The following NSMAF variants were observed in gnomAD, a reference collection of about 807,000 sequenced individuals.
NSMAF encodes the protein neutral sphingomyelinase activation associated factor.
NSMAF carries 90 observed loss-of-function variants against 134.9 expected under a neutral mutation model. That is an observed-to-expected ratio of 0.67 (90% CI 0.56 to 0.79). The LOEUF is 0.79. NSMAF is among the 30% of genes least tolerant of loss of function. NSMAF has a pLI of 0.00. For synonymous variants in NSMAF, 358 were observed against 389.6 expected, an observed-to-expected ratio of 0.92 and a Z score of 0.96; for missense variants, 1,010 against 1,119.0, an observed-to-expected ratio of 0.90 and a Z score of 1.39.
At chr8:58,650,044 A>C (rs1807548312) in intron 1 of NSMAF, among the ~76,000 whole-genome samples, 1 of 152,226 alleles carries the variant, frequency 6.6e-6, no homozygotes, top group Non-Finnish European at 1.5e-5. Context: ...CTGTGGTTCT[A>C]CACTCAAACT....
At chr8:58,629,925 G>A (rs1385404661) in intron 6 of NSMAF, among the ~76,000 whole-genome samples, 1 of 152,174 alleles carries the variant, frequency 6.6e-6, no homozygotes, top group Non-Finnish European at 1.5e-5. Context: ...AGTGGCTCCA[G>A]GCATCTAGAG....
Position 58,659,717 on chromosome 8 carries a change from G to T in NSMAF, c.-86C>A, listed in dbSNP as rs977307285. 5.3e-6 allele frequency: 6 copies of T among 1,129,488 alleles called. No homozygotes were observed. The highest frequency in any genetic ancestry group is 6.8e-6 in the Non-Finnish European group (6 of 877,576). The allele number at this position is 1,129,488 out of a possible 1,614,324, so 70.0% of individuals were successfully genotyped here. A position where few individuals can be genotyped will look rare whatever the true frequency, so the allele number is the denominator to read the frequency against. On this transcript the variant is annotated 5_prime_UTR_variant, in exon 1 of 31. Transcript: ENST00000038176. The stretch of plus-strand genomic sequence containing the variant: ...AGGTCCGGAGGAGCCGGGGAGGGCG[G>T]GATTGGTGGCCGGCTGGGGAGCGCG...
intron 1 of NSMAF, among the ~76,000 whole-genome samples, chr8:58,643,587 A>C (rs1807381548): frequency 6.6e-6 from 1 of 151,718 alleles, no homozygotes; most frequent in Non-Finnish European, 1.5e-5. Flanking sequence ...GCCTGGAGTA[A>C]AATGGCGCAG....
intron 6 of NSMAF, among the ~76,000 whole-genome samples, chr8:58,625,678 G>A (rs181056367): frequency 3.3e-5 from 5 of 152,154 alleles, no homozygotes; most frequent in South Asian, 2.1e-4. Context: ...TCCTTAAACC[G>A]AAAATGAGTC....
Position 58,639,875 on chromosome 8 carries a change from A to G in NSMAF, c.149+3109T>C, listed in dbSNP as rs542475547. 13 of 298,140 alleles carry G rather than the reference A, an allele frequency of 4.4e-5. No individual in the cohort carries two copies. The East Asian group carries it at 1.1e-3, about 25-fold the overall frequency. The allele number at this position is 298,140 out of a possible 1,614,324, so 18.5% of individuals were successfully genotyped here. A position where few individuals can be genotyped will look rare whatever the true frequency, so the allele number is the denominator to read the frequency against. The stretch of plus-strand genomic sequence containing the variant: ...GGACTTGGAGGACATTATGCTAAGT[A>G]AAATAAGCCAGCCACAGAAGGACAA... On this transcript the variant is annotated intron_variant, in intron 2 of 30. Coordinates refer to ENST00000038176, the MANE Select transcript of NSMAF (RefSeq NM_003580.4).
In NSMAF at chr8:58,626,091, C is replaced by CGT. The variant is rs1563537415; in HGVS notation, c.385-2312_385-2311insAC. On this transcript the variant is annotated intron_variant, in intron 6 of 30. Transcript: ENST00000038176. ...AGCCCCCAAAGTCCATTATATAATT[C>CGT]TTTTTTTTTTTTTTTTTTTTTGAGA... 1.4e-4 allele frequency among the ~76,000 whole-genome samples: 14 copies of CGT among 99,390 alleles called. 1 individual carries two copies. Among genetic ancestry groups the CGT allele is most frequent in the Non-Finnish European group, 1.7e-4 (9 of 52,350 alleles). 65.2% of individuals were successfully genotyped at this position (99,390 alleles called of 152,430 possible).
At chr8:58,593,995 G>A (rs1806076471) in intron 23 of NSMAF, among the ~76,000 whole-genome samples, 1 of 152,160 alleles carries the variant, frequency 6.6e-6, no homozygotes, top group Admixed American at 6.5e-5. Flanking sequence ...AAAGGAGGCT[G>A]TTTCTGTCCT....
At chr8:58,587,027 T>C (rs1411117633) in intron 27 of NSMAF, among the ~76,000 whole-genome samples, 2 of 152,206 alleles carry the variant, frequency 1.3e-5, no homozygotes, top group African/African-American at 2.4e-5. Context: ...ATGAATTACA[T>C]ACTAAATATT....
At chr8:58,636,347 G>A (rs191594411) in intron 2 of NSMAF, among the ~76,000 whole-genome samples, 1 of 152,100 alleles carries the variant, frequency 6.6e-6, no homozygotes, top group East Asian at 1.9e-4. Context: ...CTCTTAATAA[G>A]TGACCAATCA....
intron 6 of NSMAF, among the ~76,000 whole-genome samples, chr8:58,628,707 A>G (rs991907079): frequency 6.6e-6 from 1 of 152,176 alleles, no homozygotes; most frequent in Non-Finnish European, 1.5e-5. Flanking sequence ...AGCATTTCCT[A>G]TAAAGCAGAT....
chr8:58,588,027 C>A (rs1805930676), intron 26 of NSMAF, among the ~76,000 whole-genome samples: 1 of 151,920 alleles, frequency 6.6e-6, no homozygotes, highest in Non-Finnish European at 1.5e-5. Context: ...TTGGGAAGAC[C>A]AAAAAGGATG....
rs1554573036 is a variant in NSMAF, at chr8:58,592,919, A to AAC, written c.1951+1312_1951+1313insGT. On this transcript the variant is annotated intron_variant, in intron 23 of 30. Coordinates refer to ENST00000038176, the MANE Select transcript of NSMAF (RefSeq NM_003580.4). ...AACAAAAACAAAAACAACAACAACA[A>AAC]AAAAAAAACCTCTCTCTCCTTTATT... is the stretch of plus-strand genomic sequence containing the variant. 1.3e-5 allele frequency among the ~76,000 whole-genome samples: 2 copies of AAC among 150,814 alleles called. 1 individual carries two copies. The highest frequency in any genetic ancestry group is 4.9e-5 in the African/African-American group (2 of 40,926).
intron 25 of NSMAF, chr8:58,589,800 G>T (rs963469694): frequency 3.3e-6 from 2 of 607,190 alleles, no homozygotes; most frequent in African/African-American, 1.9e-5. Context: ...TTAAAACTTA[G>T]AGAAAAACAG....
At chr8:58,616,261 C>T (rs1806651437) in intron 9 of NSMAF, among the ~76,000 whole-genome samples, 1 of 152,078 alleles carries the variant, frequency 6.6e-6, no homozygotes, top group African/African-American at 2.4e-5. Flanking sequence ...AGAAAACCTC[C>T]ATACTATTAT....
At chr8:58,643,210 C>A in intron 1 of NSMAF, 137 bp from the exon 2 acceptor site, 1 of 673,980 alleles carries the variant, frequency 1.5e-6, no homozygotes. Flanking sequence ...GTATATCATG[C>A]CAGGCAGTCC....
Position 58,601,319 on chromosome 8 carries a change from C to G in NSMAF, c.1246G>C (p.Gly416Arg). ...ATTCTATCTGCATTATCAAATCTTC[C>G]ATTCTGCAGGCACAGCATATACTCT... ...APEYMLCLQN[G>R]RFDNADRMFN... Residue 416 changes from glycine (G) to arginine (R), a missense_variant, in exon 16 of 31, where the codon GGA becomes CGA. Gly to Arg is a moderately radical substitution (Grantham distance 125, BLOSUM62 -2). Coordinates refer to ENST00000038176, the MANE Select transcript of NSMAF (RefSeq NM_003580.4). 1 of 1,613,936 alleles carries G rather than the reference C, an allele frequency of 6.2e-7. No homozygotes were observed. The highest frequency in any genetic ancestry group is 8.5e-7 in the Non-Finnish European group (1 of 1,179,908).
At chr8:58,606,091 C>T (rs1806405383) in intron 11 of NSMAF, 56 bp from the exon 12 acceptor site, 11 of 1,208,616 alleles carry the variant, frequency 9.1e-6, no homozygotes, top group Non-Finnish European at 1.3e-5. Flanking sequence ...ATCTTGCAAT[C>T]CCAATATAAG....
rs560084878 is a variant in NSMAF at position 58,587,251 on chromosome 8, T to C, written c.2295+367A>G. ...GTTGGATGGGTGTCTCCTGGACAGA[T>C]GGTTCCCTTCCAGCTTCTGGATCAG... is the stretch of plus-strand genomic sequence containing the variant. On this transcript the variant is annotated intron_variant, in intron 27 of 30. Transcript: ENST00000038176. Among the ~76,000 whole-genome samples, 74 of 152,336 alleles carry C rather than the reference T, an allele frequency of 4.9e-4. No individual in the cohort carries two copies. The South Asian group carries it at 8.1e-3, about 17-fold the overall frequency.
intron 24 of NSMAF, 80 bp from the exon 25 acceptor site, chr8:58,590,154 C>A: frequency 8.0e-7 from 1 of 1,248,360 alleles, no homozygotes; most frequent in Non-Finnish European, 1.2e-6. Context: ...TTATACATTT[C>A]CGAAAAATTA....
Sources: gnomAD v4.1 joint callset for allele counts (sites outside exome capture counted in the v4.1 genomes callset) on GRCh38, gnomAD v4.1.1 for gene constraint, MANE v1.5 for transcripts, NCBI Gene and HGNC (gene_info 2026-07-23, HGNC 2026-07-21) for gene names.